The following CDH13 variants were observed in gnomAD, a reference collection of about 807,000 sequenced individuals.
CDH13 encodes the protein cadherin-13.
A neutral mutation model predicts 63.8 loss-of-function variants in CDH13; 24 were observed. The ratio of observed to expected loss-of-function variants is 0.38; its 90% CI spans 0.27 to 0.53. The LOEUF is 0.53. Ranked by LOEUF, CDH13 falls within the 20% of genes least tolerant of loss-of-function variation. The pLI, the probability that CDH13 is intolerant of heterozygous loss-of-function variation, is 0.85. For synonymous variants in CDH13, 503 were observed against 355.3 expected, an observed-to-expected ratio of 1.42 and a Z score of -4.67; for missense variants, 1,049 against 903.1, an observed-to-expected ratio of 1.16 and a Z score of -2.07.
intron 4 of CDH13, among the ~76,000 whole-genome samples, chr16:83,178,115 G>C (rs979782591): frequency 1.3e-5 from 2 of 152,192 alleles, no homozygotes; most frequent in South Asian, 4.1e-4. Flanking sequence ...AAAAGCCCTG[G>C]TTTTGGCTTC....
At chr16:82,686,748 G>A (rs557720502) in intron 1 of CDH13, among the ~76,000 whole-genome samples, 64 of 152,332 alleles carry the variant, frequency 4.2e-4, no homozygotes, top group African/African-American at 1.5e-3. Flanking sequence ...AGGGGAAATA[G>A]AGTGATCAAG....
At chr16:82,721,635 A>T (rs547143856) in intron 1 of CDH13, among the ~76,000 whole-genome samples, 2 of 152,300 alleles carry the variant, frequency 1.3e-5, no homozygotes, top group South Asian at 4.2e-4. Context: ...GAACCATAGG[A>T]ATGAAGGAGA....
At chr16:82,842,845 C>G (rs2039091243) in intron 1 of CDH13, among the ~76,000 whole-genome samples, 1 of 152,034 alleles carries the variant, frequency 6.6e-6, no homozygotes, top group African/African-American at 2.4e-5. Context: ...GATCATCAGG[C>G]ATTAGATTTT....
chr16:82,634,332 A>G (rs1216749875), intron 1 of CDH13, among the ~76,000 whole-genome samples: 1 of 152,236 alleles, frequency 6.6e-6, no homozygotes, highest in Non-Finnish European at 1.5e-5. Flanking sequence ...TGCAGGAAGA[A>G]GGTGGTGGCT....
rs541248052 is a variant in CDH13 at position 82,877,027 on chromosome 16, C to G, written c.157+18554C>G. 2.0e-5 allele frequency among the ~76,000 whole-genome samples: 3 copies of G among 152,288 alleles called. No individual in the cohort carries two copies. In the South Asian group the frequency reaches 6.2e-4, roughly 32 times the overall value. On this transcript the variant is annotated intron_variant, in intron 2 of 13. Coordinates refer to ENST00000567109, the MANE Select transcript of CDH13 (RefSeq NM_001257.5). ...AAGTAGAAGATAACTGGTGTTAAAACAAGACTACATTTATGAGAACTCACT... is the reference window on the plus strand; with the variant it reads ...AAGTAGAAGATAACTGGTGTTAAAAGAAGACTACATTTATGAGAACTCACT...
chr16:83,096,077 T>C (rs2034177932), intron 3 of CDH13, among the ~76,000 whole-genome samples: 1 of 152,180 alleles, frequency 6.6e-6, no homozygotes, highest in African/African-American at 2.4e-5. Flanking sequence ...TGTGCCGAAC[T>C]TAACAGGTCA....
chr16:82,916,636 A>G (rs1300999960), intron 2 of CDH13, among the ~76,000 whole-genome samples: 1 of 152,082 alleles, frequency 6.6e-6, no homozygotes, highest in Non-Finnish European at 1.5e-5. Context: ...GCCATGATAG[A>G]TACATTCTCA....
chr16:83,077,039 A>T (rs959941421), intron 3 of CDH13, among the ~76,000 whole-genome samples: 3 of 151,622 alleles, frequency 2.0e-5, no homozygotes, highest in African/African-American at 7.3e-5. Context: ...CAATATTCTG[A>T]TTTTTCCCAT....
At chr16:82,742,469 ATTATGTATAGCTCT>A (rs1201151672) in intron 1 of CDH13, among the ~76,000 whole-genome samples, 1 of 152,126 alleles carries the variant, frequency 6.6e-6, no homozygotes, top group Non-Finnish European at 1.5e-5. Context: ...TAAGTTATTG[ATTATGTATAGCTCT>A]TTATGTGAGT....
intron 2 of CDH13, among the ~76,000 whole-genome samples, chr16:82,898,272 C>G (rs562859982): frequency 6.6e-6 from 1 of 152,118 alleles, no homozygotes; most frequent in Non-Finnish European, 1.5e-5. Context: ...TTCCAGTAAT[C>G]TCAGCATTTT....
intron 6 of CDH13, among the ~76,000 whole-genome samples, chr16:83,403,381 T>C (rs1225722215): frequency 6.6e-6 from 1 of 152,064 alleles, no homozygotes. Context: ...TTTAGCACTT[T>C]GGGAGGCCGA....
chr16:83,675,002 C>T (rs1286495799), intron 9 of CDH13, among the ~76,000 whole-genome samples: 2 of 152,234 alleles, frequency 1.3e-5, no homozygotes, highest in Non-Finnish European at 2.9e-5. Context: ...GGTCCTCCAT[C>T]CTTCCCATGT....
At chr16:83,014,608 G>A (rs1386235399) in intron 2 of CDH13, among the ~76,000 whole-genome samples, 1 of 150,232 alleles carries the variant, frequency 6.7e-6, no homozygotes, top group Non-Finnish European at 1.5e-5. Flanking sequence ...GCCCATGCCT[G>A]TAATTCTAGC....
intron 5 of CDH13, among the ~76,000 whole-genome samples, chr16:83,239,788 T>C (rs1341403431): frequency 6.6e-6 from 1 of 152,128 alleles, no homozygotes; most frequent in Non-Finnish European, 1.5e-5. Context: ...TCAGGGAACT[T>C]ACAGCAGAAG....
chr16:83,317,531 A>G (rs765717041), intron 5 of CDH13, among the ~76,000 whole-genome samples: 3 of 152,134 alleles, frequency 2.0e-5, no homozygotes, highest in Non-Finnish European at 4.4e-5. Context: ...GCGCCAGTCA[A>G]GTGCTGCAAG....
At chr16:82,677,308 C>G (rs1914042246) in intron 1 of CDH13, among the ~76,000 whole-genome samples, 2 of 152,356 alleles carry the variant, frequency 1.3e-5, no homozygotes, top group Admixed American at 6.5e-5. Flanking sequence ...TCTGATACCC[C>G]TCTTATTCCC....
intron 4 of CDH13, among the ~76,000 whole-genome samples, chr16:83,137,235 C>G (rs906951927): frequency 6.6e-6 from 1 of 152,166 alleles, no homozygotes; most frequent in Non-Finnish European, 1.5e-5. Context: ...AGTAACTTGT[C>G]CAACTTCATG....
chr16:83,532,579 T>C (rs1361004005), intron 7 of CDH13, among the ~76,000 whole-genome samples: 1 of 152,238 alleles, frequency 6.6e-6, no homozygotes, highest in Non-Finnish European at 1.5e-5. Flanking sequence ...TCCATAAATA[T>C]TTGCTGAATG....
chr16:83,373,309 G>A (rs1275153658), intron 6 of CDH13, among the ~76,000 whole-genome samples: 1 of 152,190 alleles, frequency 6.6e-6, no homozygotes, highest in Non-Finnish European at 1.5e-5. Context: ...AACTGAGTAG[G>A]AACAGTGCTC....
Sources: gnomAD v4.1 joint callset for allele counts (sites outside exome capture counted in the v4.1 genomes callset) on GRCh38, gnomAD v4.1.1 for gene constraint, MANE v1.5 for transcripts, NCBI Gene and HGNC (gene_info 2026-07-23, HGNC 2026-07-21) for gene names.